The following GFPT2 variants were observed in gnomAD, a reference collection of about 807,000 sequenced individuals.
GFPT2 encodes the protein glutamine--fructose-6-phosphate transaminase 2.
A neutral mutation model predicts 85.6 loss-of-function variants in GFPT2; 62 were observed. The observed-to-expected ratio is 0.72, with a 90% confidence interval of 0.59 to 0.90. GFPT2 has a LOEUF of 0.90. Ranked by LOEUF, GFPT2 falls within the 40% of genes least tolerant of loss-of-function variation. GFPT2 has a pLI of 0.00. For synonymous variants in GFPT2, 368 were observed against 344.5 expected, an observed-to-expected ratio of 1.07 and a Z score of -0.75; for missense variants, 788 against 893.4, an observed-to-expected ratio of 0.88 and a Z score of 1.50.
chr5:180,324,093 G>A (rs1161805774), intron 9 of GFPT2, 95 bp downstream of exon 9: 2 of 767,790 alleles, frequency 2.6e-6, no homozygotes, highest in East Asian at 5.0e-5. Context: ...AGCCACGATA[G>A]CTCACATGGA....
At chr5:180,312,204 AGGG>A (rs1561873487) in intron 15 of GFPT2, among the ~76,000 whole-genome samples, 1 of 32,150 alleles carries the variant, frequency 3.1e-5, no homozygotes, top group African/African-American at 1.2e-4. Flanking sequence ...GCGGGGAGGC[AGGG>A]AGGCAGGGAG....
At chr5:180,320,527 C>A (rs1764099020) in intron 9 of GFPT2, among the ~76,000 whole-genome samples, 1 of 152,082 alleles carries the variant, frequency 6.6e-6, no homozygotes. Context: ...AATCCTAGCA[C>A]TTTGGGAGAC....
intron 1 of GFPT2, chr5:180,352,363 C>T: frequency 2.4e-6 from 1 of 424,750 alleles, no homozygotes; most frequent in South Asian, 1.7e-5. Flanking sequence ...AAAAAAAGAG[C>T]ACAGTGACCT....
intron 13 of GFPT2, 77 bp from the exon 14 acceptor site, chr5:180,314,041 CGGCTCTTACAG>C: frequency 7.1e-7 from 1 of 1,405,010 alleles, no homozygotes; most frequent in Non-Finnish European, 9.4e-7. Context: ...CCTTCACCGC[CGGCTCTTACAG>C]GGAAATCGGC....
chr5:180,312,325 G>T, intron 15 of GFPT2, 105 bp downstream of exon 15: 1 of 711,636 alleles, frequency 1.4e-6, no homozygotes, highest in Non-Finnish European at 2.5e-6. Context: ...AGTTTTAGGA[G>T]GAAGAAGAAA....
At chr5:180,336,642 G>A in intron 2 of GFPT2, 65 bp from the exon 3 acceptor site, 2 of 1,045,540 alleles carry the variant, frequency 1.9e-6, no homozygotes, top group Non-Finnish European at 1.5e-6. Flanking sequence ...TGGCACAGGT[G>A]CTCCGCAGGG....
chr5:180,302,252 C>A (rs977983039), intron 18 of GFPT2, among the ~76,000 whole-genome samples, 171 bp downstream of exon 18: 18 of 150,418 alleles, frequency 1.2e-4, no homozygotes, highest in Middle Eastern at 3.4e-3. Flanking sequence ...GTGCCACTGC[C>A]CTCCAGCCTG....
intron 1 of GFPT2, among the ~76,000 whole-genome samples, chr5:180,341,124 G>T (rs1764506720): frequency 6.6e-6 from 1 of 152,156 alleles, no homozygotes. Context: ...CTCGTCCAGA[G>T]CCAGAGTGGA....
chr5:180,332,185 C>T (rs752840559), intron 4 of GFPT2, among the ~76,000 whole-genome samples: 6 of 143,980 alleles, frequency 4.2e-5, no homozygotes, highest in East Asian at 2.4e-4. Flanking sequence ...ACCCAGCTCA[C>T]GCGGGCGGCT....
chr5:180,336,429 A>G (rs777727787), intron 3 of GFPT2, 50 bp downstream of exon 3: 4 of 986,908 alleles, frequency 4.1e-6, no homozygotes, highest in Non-Finnish European at 6.6e-6. Flanking sequence ...CGGTCCTAGA[A>G]AGCGGCCGGC....
Position 180,302,436 on chromosome 5 carries a change from A to G in GFPT2, c.1991T>C (p.Leu664Pro). Reference sequence around the variant, plus strand: ...TTTTAGACGCACGTCATATCCTCGGAGAACAGCCAGGTGGAAGGACAGCAG... The same window carrying G: ...TTTTAGACGCACGTCATATCCTCGGGGAACAGCCAGGTGGAAGGACAGCAG... ...LQLLSFHLAV[L>P]RGYDVDFPRN... is the part of the protein sequence containing the mutation. Residue 664 changes from leucine to proline, a missense_variant, in exon 18 of 19, where the codon CTC (leucine) becomes CCC (proline). Physicochemically the swap from Leu to Pro is moderately conservative, Grantham distance 98. Transcript: ENST00000253778. 6.2e-7 allele frequency: 1 copy of G among 1,613,774 alleles called. No homozygotes were observed. The highest frequency in any genetic ancestry group is 1.1e-5 in the South Asian group (1 of 91,072).
At chr5:180,349,561 C>T (rs183446885) in intron 1 of GFPT2, among the ~76,000 whole-genome samples, 53 of 152,124 alleles carry the variant, frequency 3.5e-4, no homozygotes, top group Middle Eastern at 3.4e-3. Context: ...GAGACTGGAG[C>T]GACACAGCCA....
At chr5:180,316,914 C>A in intron 11 of GFPT2, 49 bp downstream of exon 11, 1 of 1,560,086 alleles carries the variant, frequency 6.4e-7, no homozygotes, top group Non-Finnish European at 8.8e-7. Flanking sequence ...TCACCGCATT[C>A]CCTGAGACTA....
Position 180,316,793 on chromosome 5 carries a change from A to G in GFPT2, c.1123T>C (p.Cys375Arg). 1.2e-6 allele frequency: 2 copies of G among 1,613,926 alleles called. No homozygotes were observed. Among genetic ancestry groups the G allele is most frequent in the South Asian group, 1.1e-5 (1 of 91,070 alleles). Reference protein sequence around the residue: ...RRCRRLIVIGCGTSYHAAVAT... With the variant: ...RRCRRLIVIGRGTSYHAAVAT... ...ACGGCAGCGTGGTAGCTGGTTCCAC[A>G]GCCAATCACGATGAGCCGTCGGCAT... The change falls in exon 12 of 19, where the codon TGT becomes CGT. Residue 375 changes from cysteine to arginine, a missense_variant. Cys to Arg is a radical substitution (Grantham distance 180, BLOSUM62 -3). Transcript: ENST00000253778.
chr5:180,340,511 GTTT>G (rs779151812), intron 1 of GFPT2, among the ~76,000 whole-genome samples: 210 of 113,372 alleles, frequency 1.9e-3, no homozygotes, highest in Non-Finnish European at 2.5e-3. Context: ...TGGCCTGCAG[GTTT>G]TTTTTTTTTT....
intron 9 of GFPT2, 26 bp downstream of exon 9, chr5:180,324,162 A>G: frequency 8.4e-7 from 1 of 1,190,132 alleles, no homozygotes; most frequent in South Asian, 1.2e-5. Flanking sequence ...TAATCCCAGG[A>G]AGCGAAGAGA....
rs1490975439 is a variant in GFPT2, at chr5:180,328,642, G to C, written c.535-304C>G. On this transcript the variant is annotated intron_variant, in intron 6 of 18. Coordinates refer to ENST00000253778, the MANE Select transcript of GFPT2 (RefSeq NM_005110.4). This position sits in a 1 kb window ranked among gnomAD's most constrained non-coding sequence, Gnocchi z 5.4. ...GGTAGACGGGGCAGTGAGAGTCACA[G>C]GAAATGATAGCTGGGACCAGGCTTC... 6.6e-6 allele frequency among the ~76,000 whole-genome samples: 1 copy of C among 152,264 alleles called. No homozygotes were observed. Among genetic ancestry groups the C allele is most frequent in the East Asian group, 1.9e-4 (1 of 5,204 alleles).
In GFPT2 at chr5:180,316,385, G is replaced by T. The variant is rs191277630; in HGVS notation, c.1229C>A (p.Thr410Lys). The T allele has an allele frequency of 4.3e-6, 7 of 1,613,854 alleles. No homozygotes were observed. The Admixed American group carries it at 1.2e-4, about 27-fold the overall frequency. Residue 410 changes from threonine to lysine, a missense_variant, in exon 13 of 19, where the codon ACA becomes AAA. Coordinates refer to ENST00000253778, the MANE Select transcript of GFPT2 (RefSeq NM_005110.4). ...ELASDFLDRN[T>K]PVFRDDVCFF... ...GCAAACGTCATCCCTGAACACAGGTGTGTTCCTGTCCAGAAAATCACTAGC... is the reference window on the plus strand; with the variant it reads ...GCAAACGTCATCCCTGAACACAGGTTTGTTCCTGTCCAGAAAATCACTAGC...
chr5:180,309,716 T>G (rs1763841904), intron 15 of GFPT2, among the ~76,000 whole-genome samples: 1 of 151,842 alleles, frequency 6.6e-6, no homozygotes, highest in African/African-American at 2.4e-5. Context: ...CTGGCCCCAG[T>G]AGAAAGGCGC....
Sources: allele counts gnomAD v4.1 joint callset (sites outside exome capture counted in the v4.1 genomes callset), GRCh38; gene constraint gnomAD v4.1.1; non-coding constraint Gnocchi (gnomAD v3.1); transcripts MANE v1.5; gene names NCBI Gene and HGNC (gene_info 2026-07-23, HGNC 2026-07-21).